PCCA: variants seen among roughly 807,000 people sequenced by gnomAD.
PCCA encodes propionyl-CoA carboxylase subunit alpha, also known as propionyl-CoA carboxylase alpha chain, mitochondrial.
In PCCA, 74 loss-of-function variants were observed where a neutral mutation model predicts 101.3. The observed-to-expected ratio is 0.73, with a 90% CI of 0.61 to 0.89. The LOEUF is 0.89. PCCA is among the 40% of genes least tolerant of loss of function. The probability of loss-of-function intolerance (pLI) is 0.00; values close to 1 mark genes in which losing one functional copy is unlikely to be tolerated. For synonymous variants in PCCA, 294 were observed against 313.6 expected (o/e 0.94, Z 0.66); for missense variants, 891 against 907.0 (o/e 0.98, Z 0.23).
chr13:100,410,712 C>T (rs898895396), intron 19 of PCCA, among the ~76,000 whole-genome samples: 3 of 152,100 alleles, frequency 2.0e-5, no homozygotes, highest in East Asian at 1.9e-4. Flanking sequence ...TGTTGAATTG[C>T]AGTATCCTAA....
intron 5 of PCCA, among the ~76,000 whole-genome samples, chr13:100,155,309 G>T (rs1047992609): frequency 6.6e-6 from 1 of 152,204 alleles, no homozygotes; most frequent in African/African-American, 2.4e-5. Flanking sequence ...GTGGCTGCTG[G>T]ATTCAGCTTT....
chr13:100,299,792 T>C (rs1288765582), intron 12 of PCCA, among the ~76,000 whole-genome samples: 8 of 152,174 alleles, frequency 5.3e-5, no homozygotes, highest in African/African-American at 1.9e-4. Context: ...CTCGGCTCAC[T>C]ACAGCCTTCT....
At chr13:100,144,963 G>A (rs1309791158) in intron 4 of PCCA, among the ~76,000 whole-genome samples, 1 of 152,190 alleles carries the variant, frequency 6.6e-6, no homozygotes, top group East Asian at 1.9e-4. Context: ...ACAGCCTTGA[G>A]CACAAGAAGT....
At chr13:100,295,843 G>A (rs1368837663) in intron 12 of PCCA, among the ~76,000 whole-genome samples, 1 of 152,100 alleles carries the variant, frequency 6.6e-6, no homozygotes, top group African/African-American at 2.4e-5. Flanking sequence ...AACACACACT[G>A]CGTCTTTCTG....
At chr13:100,219,972 C>T (rs2059721262) in intron 7 of PCCA, among the ~76,000 whole-genome samples, 1 of 152,136 alleles carries the variant, frequency 6.6e-6, no homozygotes, top group African/African-American at 2.4e-5. Flanking sequence ...TATGGAGTTA[C>T]ATTGTTTGAC....
chr13:100,285,036 T>A (rs1444326228), intron 12 of PCCA, among the ~76,000 whole-genome samples: 1 of 152,224 alleles, frequency 6.6e-6, no homozygotes, highest in Non-Finnish European at 1.5e-5. Flanking sequence ...GGCCCCAGCT[T>A]TGCCTACAGC....
At chr13:100,293,691 G>A (rs776655281) in intron 12 of PCCA, among the ~76,000 whole-genome samples, 6 of 152,282 alleles carry the variant, frequency 3.9e-5, no homozygotes, top group Non-Finnish European at 7.4e-5. Flanking sequence ...AGAGGCCAGG[G>A]CTCTCAGGCT....
chr13:100,439,399 G>A (rs2080178280), intron 20 of PCCA, among the ~76,000 whole-genome samples: 3 of 152,124 alleles, frequency 2.0e-5, no homozygotes, highest in Non-Finnish European at 4.4e-5. Flanking sequence ...TATAATTAAA[G>A]TGATGAAACA....
chr13:100,217,510 C>T (rs2059585778), intron 7 of PCCA, among the ~76,000 whole-genome samples: 1 of 151,832 alleles, frequency 6.6e-6, no homozygotes, highest in Non-Finnish European at 1.5e-5. Context: ...TTTAGATAGA[C>T]TTAACATTGG....
At chr13:100,281,796 A>G (rs1204909414) in intron 12 of PCCA, among the ~76,000 whole-genome samples, 3 of 152,234 alleles carry the variant, frequency 2.0e-5, no homozygotes, top group Non-Finnish European at 4.4e-5. Flanking sequence ...TGTAACAGTC[A>G]TATAATTTCA....
rs1201237921 is a variant in PCCA at position 100,354,288 on chromosome 13, GGAGA to G, written c.1643+14044_1643+14047del. On this transcript the variant is annotated intron_variant, in intron 18 of 23. Coordinates refer to ENST00000376285, the MANE Select transcript of PCCA (RefSeq NM_000282.4). The stretch of plus-strand genomic sequence containing the variant: ...AGTGAGACCCTGTTGAAAGAAAGAA[GGAGA>G]GAGAGAGAGAGAGAAAGAAAGGGAG... 7.8e-5 allele frequency among the ~76,000 whole-genome samples: 10 copies of G among 128,876 alleles called. 1 individual carries two copies. Among genetic ancestry groups the G allele is most frequent in the South Asian group, 5.6e-4 (2 of 3,556 alleles). The allele number at this position is 128,876 out of a possible 152,430, so 84.5% of individuals were successfully genotyped here.
At chr13:100,379,685 A>G (rs1414854464) in intron 19 of PCCA, among the ~76,000 whole-genome samples, 2 of 152,164 alleles carry the variant, frequency 1.3e-5, no homozygotes, top group Non-Finnish European at 2.9e-5. Flanking sequence ...GACATCTTAC[A>G]TGCAGCAGGC....
intron 19 of PCCA, among the ~76,000 whole-genome samples, chr13:100,399,145 C>T (rs750374091): frequency 7.9e-5 from 12 of 151,754 alleles, no homozygotes; most frequent in Non-Finnish European, 1.8e-4. Context: ...ACTTTAAACT[C>T]GTATACAAAA....
At chr13:100,289,779 T>C (rs1208097480) in intron 12 of PCCA, among the ~76,000 whole-genome samples, 1 of 152,210 alleles carries the variant, frequency 6.6e-6, no homozygotes, top group Non-Finnish European at 1.5e-5. Flanking sequence ...GCTAAGATAA[T>C]TTAATACTTC....
intron 4 of PCCA, among the ~76,000 whole-genome samples, chr13:100,153,986 A>C (rs145258140): frequency 3.4e-4 from 52 of 152,316 alleles, no homozygotes; most frequent in African/African-American, 1.2e-3. Context: ...AAAGTATTTA[A>C]AAATTATTTC....
In PCCA at chr13:100,160,137, GATA is replaced by G. The variant is rs2054296493; in HGVS notation, c.468+2800_468+2802del. On this transcript the variant is annotated intron_variant, in intron 6 of 23. Transcript: ENST00000376285. ...AAAACACACCAAACTTTACAAGACT[GATA>G]ATTTTTTATGCTGAGTTTACGCGAA... Among the ~76,000 whole-genome samples, 5 of 152,238 alleles carry G rather than the reference GATA, an allele frequency of 3.3e-5. No individual in the cohort carries two copies. The South Asian group carries it at 1.0e-3, about 32-fold the overall frequency.
At chr13:100,203,135 G>A (rs183218747) in intron 6 of PCCA, among the ~76,000 whole-genome samples, 17 of 151,982 alleles carry the variant, frequency 1.1e-4, no homozygotes, top group African/African-American at 1.7e-4. Flanking sequence ...TTAGCCGGGC[G>A]TGGTGGTGCG....
chr13:100,401,575 A>T (rs2077368280), intron 19 of PCCA, among the ~76,000 whole-genome samples: 1 of 150,936 alleles, frequency 6.6e-6, no homozygotes, highest in Non-Finnish European at 1.5e-5. Context: ...ATTTTTTTTT[A>T]ATTGTATCTT....
At chr13:100,292,415 T>C (rs1458571949) in intron 12 of PCCA, among the ~76,000 whole-genome samples, 1 of 152,202 alleles carries the variant, frequency 6.6e-6, no homozygotes, top group Non-Finnish European at 1.5e-5. Flanking sequence ...ATGACATTAA[T>C]TATAGCATTT....
Sources: gnomAD v4.1 joint callset for allele counts (sites outside exome capture counted in the v4.1 genomes callset) on GRCh38, gnomAD v4.1.1 for gene constraint, MANE v1.5 for transcripts, NCBI Gene and HGNC (gene_info 2026-07-23, HGNC 2026-07-21) for gene names.